SPAST: variants seen among roughly 807,000 people sequenced by gnomAD.
The protein encoded by SPAST is spastin.
Under a neutral mutation model 76.6 loss-of-function variants are expected in SPAST, and 30 were observed. The ratio of observed to expected loss-of-function variants is 0.39; its 90% CI spans 0.29 to 0.53. SPAST has a LOEUF of 0.53. Ranked by LOEUF, SPAST falls within the 20% of genes least tolerant of loss-of-function variation. The pLI, the probability that SPAST is intolerant of heterozygous loss-of-function variation, is 0.68. For missense variants in SPAST, 717 were observed against 770.5 expected, an observed-to-expected ratio of 0.93 and a Z score of 0.82; for synonymous variants, 305 against 281.0, an observed-to-expected ratio of 1.09 and a Z score of -0.86.
intron 5 of SPAST, among the ~76,000 whole-genome samples, chr2:32,115,376 T>C (rs1283920173): frequency 1.3e-5 from 2 of 152,210 alleles, no homozygotes. Context: ...TTTAAATTTA[T>C]TTTTAAAATT....
chr2:32,154,453 C>T lies in SPAST; in HGVS notation c.1808C>T (p.Ala603Val), dbSNP rs368801051. The T allele has an allele frequency of 2.5e-5, 41 of 1,612,404 alleles. No individual in the cohort carries two copies. The highest frequency in any genetic ancestry group is 3.3e-5 in the Admixed American group (2 of 59,966). ...AGCGTCAGCCCTCAAACTTTAGAAG[C>T]GTACATACGTTGGAACAAGGACTTT... is the stretch of plus-strand genomic sequence containing the variant. The part of the protein sequence containing the change: ...KRSVSPQTLE[A>V]YIRWNKDFGD... Residue 603 changes from alanine (A) to valine (V), a missense_variant, in exon 17 of 17, where the codon GCG (alanine) becomes GTG (valine). Physicochemically the swap from Ala to Val is moderately conservative, Grantham distance 64. This residue lies in a region of SPAST where 96 missense variants were observed against 127.6 expected (regional missense o/e 0.75). Coordinates refer to ENST00000315285, the MANE Select transcript of SPAST (RefSeq NM_014946.4).
intron 4 of SPAST, among the ~76,000 whole-genome samples, chr2:32,099,796 C>G (rs748803105): frequency 5.9e-5 from 9 of 152,114 alleles, no homozygotes; most frequent in Non-Finnish European, 1.3e-4. Context: ...TGTATCCTTT[C>G]CCTACCCTTT....
intron 1 of SPAST, among the ~76,000 whole-genome samples, chr2:32,080,826 A>ACTCTGTT (rs1323163634): frequency 1.8e-5 from 2 of 111,710 alleles, no homozygotes; most frequent in Non-Finnish European, 3.3e-5. Flanking sequence ...ATGGAGTCTC[A>ACTCTGTT]CTCTGTTGCC....
At chr2:32,094,896 G>C (rs897513925) in intron 3 of SPAST, among the ~76,000 whole-genome samples, 1 of 152,266 alleles carries the variant, frequency 6.6e-6, no homozygotes, top group Non-Finnish European at 1.5e-5. Flanking sequence ...TTGAACCCGG[G>C]AGGCGGAGGT....
intron 14 of SPAST, among the ~76,000 whole-genome samples, 189 bp from the exon 15 acceptor site, chr2:32,144,748 G>T (rs919421798): frequency 8.5e-5 from 13 of 152,122 alleles, no homozygotes; most frequent in African/African-American, 3.1e-4. Flanking sequence ...AATTAGCCAG[G>T]TGCGGTGGCG....
intron 1 of SPAST, among the ~76,000 whole-genome samples, chr2:32,083,772 A>ATTTT (rs1254717387): frequency 2.0e-5 from 1 of 51,188 alleles, no homozygotes; most frequent in African/African-American, 7.3e-5. Flanking sequence ...ATATATATAT[A>ATTTT]TATATTTTTT....
chr2:32,095,232 C>G (rs1459004083), intron 3 of SPAST, among the ~76,000 whole-genome samples: 1 of 152,116 alleles, frequency 6.6e-6, no homozygotes, highest in Non-Finnish European at 1.5e-5. Context: ...ATAAAATGGT[C>G]CTCTCTTTAT....
At chr2:32,116,055 G>A in intron 6 of SPAST, 64 bp from the exon 7 acceptor site, 2 of 1,207,740 alleles carry the variant, frequency 1.7e-6, no homozygotes, top group Non-Finnish European at 2.5e-6. Flanking sequence ...TAGGGCTTAG[G>A]CTTCATCTTG....
At chr2:32,128,535 G>A (rs1173726894) in intron 9 of SPAST, 56 bp downstream of exon 9, 4 of 1,095,918 alleles carry the variant, frequency 3.6e-6, no homozygotes, top group South Asian at 1.2e-5. Flanking sequence ...AAATGTTACT[G>A]TGTTAACTGT....
chr2:32,076,417 C>T (rs968195075), intron 1 of SPAST, among the ~76,000 whole-genome samples: 2 of 151,882 alleles, frequency 1.3e-5, no homozygotes, highest in Admixed American at 1.3e-4. Context: ...ACACAGGGTC[C>T]TACTGTATTA....
chr2:32,064,284 GAAGAAGGCGGTGGGGT>G, intron 1 of SPAST, 38 bp downstream of exon 1: 10 of 589,008 alleles, frequency 1.7e-5, no homozygotes, highest in Non-Finnish European at 2.7e-5. Context: ...GCGGCGCCGG[GAAGAAGGCGGTGGGGT>G]CGCCGGGGGA....
intron 7 of SPAST, among the ~76,000 whole-genome samples, chr2:32,124,036 A>G (rs1478206922): frequency 6.6e-6 from 1 of 152,188 alleles, no homozygotes; most frequent in Non-Finnish European, 1.5e-5. Context: ...ACTTTGTTTA[A>G]ATTATAAACT....
chr2:32,115,807 A>G lies in SPAST; in HGVS notation c.976A>G (p.Asn326Asp). ...TAGGAATGTGGACAGCAACCTTGCTAACCTTATAATGAATGAAATTGTGGA... is the reference window on the plus strand; with the variant it reads ...TAGGAATGTGGACAGCAACCTTGCTGACCTTATAATGAATGAAATTGTGGA... ...NFRNVDSNLA[N>D]LIMNEIVDNG... Residue 326 changes from asparagine (N) to aspartate (D), a missense_variant, in exon 6 of 17, where the codon AAC (asparagine) becomes GAC (aspartate). Physicochemically the swap from Asn to Asp is conservative, Grantham distance 23 (BLOSUM62 1). Coordinates refer to ENST00000315285, the MANE Select transcript of SPAST (RefSeq NM_014946.4). The G allele has an allele frequency of 6.2e-7, 1 of 1,611,278 alleles. No individual in the cohort carries two copies.
chr2:32,066,131 G>C (rs889964823), intron 1 of SPAST: 4 of 151,880 alleles, frequency 2.6e-5, no homozygotes, highest in Non-Finnish European at 5.9e-5. Flanking sequence ...GCCCTATCAC[G>C]GCTGGCTAAT....
intron 1 of SPAST, among the ~76,000 whole-genome samples, chr2:32,065,818 G>A (rs570846627): frequency 1.3e-5 from 2 of 152,262 alleles, no homozygotes; most frequent in East Asian, 3.9e-4. Flanking sequence ...CCTTTGTGGG[G>A]CCTGGGAGTG....
chr2:32,149,319 G>A (rs990532331), intron 16 of SPAST, among the ~76,000 whole-genome samples: 3 of 150,074 alleles, frequency 2.0e-5, no homozygotes, highest in African/African-American at 4.9e-5. Context: ...GGTGGGTCTC[G>A]AACTCCTGAC....
chr2:32,139,960 A>C (rs1409220191), intron 12 of SPAST, among the ~76,000 whole-genome samples: 1 of 152,214 alleles, frequency 6.6e-6, no homozygotes, highest in Non-Finnish European at 1.5e-5. Context: ...GAGGTGACAC[A>C]AATAAATGGA....
intron 2 of SPAST, among the ~76,000 whole-genome samples, chr2:32,088,637 T>G (rs1440066450): frequency 1.3e-5 from 2 of 152,304 alleles, no homozygotes; most frequent in East Asian, 1.9e-4. Context: ...AGAGTGAAAC[T>G]CTGTCTCAGA....
At chr2:32,088,206 A>T (rs188345499) in intron 2 of SPAST, among the ~76,000 whole-genome samples, 28 of 151,452 alleles carry the variant, frequency 1.8e-4, no homozygotes, top group African/African-American at 5.3e-4. Flanking sequence ...ATTAAAAAAA[A>T]TTTTTTTGTA....
Sources: allele counts gnomAD v4.1 joint callset (sites outside exome capture counted in the v4.1 genomes callset), GRCh38; gene constraint gnomAD v4.1.1; regional missense constraint gnomAD v4.1.1; transcripts MANE v1.5; gene names NCBI Gene and HGNC (gene_info 2026-07-23, HGNC 2026-07-21).